The following MARCHF4 variants were observed in gnomAD, a reference collection of about 807,000 sequenced individuals.
MARCHF4 encodes the protein membrane associated ring-CH-type finger 4, also known as E3 ubiquitin-protein ligase MARCHF4.
Under a neutral mutation model 43.9 loss-of-function variants are expected in MARCHF4, and 14 were observed. The ratio of observed to expected loss-of-function variants is 0.32; its 90% CI spans 0.21 to 0.50. MARCHF4 has a LOEUF of 0.50. Among genes scored for constraint, MARCHF4 ranks in the 20% least tolerant of loss-of-function variants. The pLI, the probability that MARCHF4 is intolerant of heterozygous loss-of-function variation, is 0.98. For missense variants in MARCHF4, 468 were observed against 536.7 expected, an observed-to-expected ratio of 0.87 and a Z score of 1.27; for synonymous variants, 226 against 213.3, an observed-to-expected ratio of 1.06 and a Z score of -0.52.
intron 1 of MARCHF4, among the ~76,000 whole-genome samples, chr2:216,298,256 GTTTTTTTTTT>G (rs559410456): frequency 4.0e-4 from 27 of 66,776 alleles, no homozygotes; most frequent in Non-Finnish European, 5.4e-4. Flanking sequence ...AGTCTTTTAG[GTTTTTTTTTT>G]TTTTTTTTTT....
intron 1 of MARCHF4, among the ~76,000 whole-genome samples, chr2:216,298,697 T>C (rs1167447361): frequency 6.6e-6 from 1 of 152,180 alleles, no homozygotes; most frequent in African/African-American, 2.4e-5. Context: ...TTATTGTAAA[T>C]CAAAATTTTC....
chr2:216,313,350 T>C (rs1413369137), intron 1 of MARCHF4, among the ~76,000 whole-genome samples: 1 of 152,252 alleles, frequency 6.6e-6, no homozygotes, highest in Non-Finnish European at 1.5e-5. Context: ...CCTTTGATTA[T>C]TAGTAAAGTT....
Position 216,259,768 on chromosome 2 carries a change from G to T in MARCHF4, c.866-89C>A, listed in dbSNP as rs75808069. On this transcript the variant is annotated intron_variant, in intron 3 of 3. Transcript: ENST00000273067. ...CCACAGTCTCTCTGAATCTATGCAA[G>T]GTATGGGCAATGGCTCCAGTGCTGA... The T allele has an allele frequency of 1.4e-3, 1,923 of 1,340,926 alleles. 20 individuals carry two copies. In the African/African-American group the frequency reaches 0.023, roughly 16 times the overall value. 83.1% of individuals were successfully genotyped at this position (1,340,926 alleles called of 1,614,324 possible). A position where few individuals can be genotyped will look rare whatever the true frequency, so the allele number is the denominator to read the frequency against.
At chr2:216,348,552 C>T (rs1692355839) in intron 1 of MARCHF4, among the ~76,000 whole-genome samples, 1 of 152,118 alleles carries the variant, frequency 6.6e-6, no homozygotes, top group African/African-American at 2.4e-5. Flanking sequence ...AGGAAGTCCC[C>T]CTATGTGGTC....
chr2:216,309,194 T>A (rs1192019560), intron 1 of MARCHF4, among the ~76,000 whole-genome samples: 1 of 152,208 alleles, frequency 6.6e-6, no homozygotes, highest in East Asian at 1.9e-4. Flanking sequence ...AAAAACCTAA[T>A]TAATCCTCAC....
chr2:216,312,094 T>C (rs1691695836), intron 1 of MARCHF4, among the ~76,000 whole-genome samples: 1 of 152,202 alleles, frequency 6.6e-6, no homozygotes, highest in South Asian at 2.1e-4. Flanking sequence ...GTGAACATTG[T>C]GTCCATCAGA....
intron 1 of MARCHF4, among the ~76,000 whole-genome samples, chr2:216,305,020 C>T (rs1479819721): frequency 6.6e-6 from 1 of 152,166 alleles, no homozygotes; most frequent in Non-Finnish European, 1.5e-5. Flanking sequence ...GCATCCCATG[C>T]ATCCTATTCC....
At chr2:216,354,901 TTCTTTC>T (rs1692460847) in intron 1 of MARCHF4, among the ~76,000 whole-genome samples, 2 of 53,986 alleles carry the variant, frequency 3.7e-5, no homozygotes, top group Non-Finnish European at 6.8e-5. Context: ...TTTTCTTTCT[TTCTTTC>T]TTTCTTTCTT....
intron 2 of MARCHF4, among the ~76,000 whole-genome samples, chr2:216,278,697 G>T (rs1163476453): frequency 6.6e-6 from 1 of 152,172 alleles, no homozygotes; most frequent in Non-Finnish European, 1.5e-5. Context: ...GAGAGAATGA[G>T]ATGTGGGGAG....
In MARCHF4 at chr2:216,277,660, C is replaced by T. The variant is rs1001234908; in HGVS notation, c.865+12G>A. Reference sequence around the variant, plus strand: ...TTCCCCACTTCCCATGGAGACAAACCCCCAGACCCACCTATGCACACCACG... The same window carrying T: ...TTCCCCACTTCCCATGGAGACAAACTCCCAGACCCACCTATGCACACCACG... On this transcript the variant is annotated intron_variant, in intron 3 of 3. Coordinates refer to ENST00000273067, the MANE Select transcript of MARCHF4 (RefSeq NM_020814.3). 1 of 1,590,718 alleles carries T rather than the reference C, an allele frequency of 6.3e-7. No homozygotes were observed. The highest frequency in any genetic ancestry group is 8.6e-7 in the Non-Finnish European group (1 of 1,162,722).
chr2:216,307,644 C>T (rs1691610920), intron 1 of MARCHF4, among the ~76,000 whole-genome samples: 1 of 152,148 alleles, frequency 6.6e-6, no homozygotes. Context: ...ACATAGGCAG[C>T]TTCCTGAGCC....
In MARCHF4 at chr2:216,286,175, C is replaced by A. The variant is rs537399955; in HGVS notation, c.517-2446G>T. 3.3e-5 allele frequency among the ~76,000 whole-genome samples: 5 copies of A among 152,338 alleles called. No individual in the cohort carries two copies. In the East Asian group the frequency reaches 7.7e-4, roughly 23 times the overall value. On this transcript the variant is annotated intron_variant, in intron 1 of 3. Transcript: ENST00000273067. ...GCTGCTTCCCCTCCAGCGAACCATTCATTTTCCTTTAGGGAGAAGAAAACC... is the reference window on the plus strand; with the variant it reads ...GCTGCTTCCCCTCCAGCGAACCATTAATTTTCCTTTAGGGAGAAGAAAACC...
chr2:216,361,113 T>C lies in MARCHF4; in HGVS notation c.516+8632A>G, dbSNP rs141303097. ...AAAAAAAAGAATAGACACATACAAA[T>C]ATAAACAAAACAAGGTGAGAAATTC... On this transcript the variant is annotated intron_variant, in intron 1 of 3. Coordinates refer to ENST00000273067, the MANE Select transcript of MARCHF4 (RefSeq NM_020814.3). 4.9e-3 allele frequency among the ~76,000 whole-genome samples: 746 copies of C among 152,222 alleles called. 5 individuals are homozygous for C. Among genetic ancestry groups the C allele is most frequent in the African/African-American group, 0.017 (698 of 41,536 alleles).
chr2:216,276,070 C>T (rs576362772), intron 3 of MARCHF4, among the ~76,000 whole-genome samples: 21 of 152,318 alleles, frequency 1.4e-4, no homozygotes, highest in African/African-American at 4.6e-4. Context: ...TAAGGCACTG[C>T]GATCTGTGGA....
intron 1 of MARCHF4, among the ~76,000 whole-genome samples, chr2:216,346,132 G>T (rs776813191): frequency 1.3e-5 from 2 of 152,076 alleles, no homozygotes; most frequent in Non-Finnish European, 2.9e-5. Context: ...GGTTTGTTAG[G>T]GACTGTCCCA....
At chr2:216,343,825 G>A (rs374486199) in intron 1 of MARCHF4, among the ~76,000 whole-genome samples, 64 of 152,276 alleles carry the variant, frequency 4.2e-4, no homozygotes, top group Non-Finnish European at 6.8e-4. Flanking sequence ...AACTGAAGTC[G>A]GGGGACTTTG....
intron 1 of MARCHF4, among the ~76,000 whole-genome samples, chr2:216,348,299 A>G (rs1692351352): frequency 6.6e-6 from 1 of 152,144 alleles, no homozygotes; most frequent in East Asian, 1.9e-4. Flanking sequence ...TCGGCCTCTT[A>G]AAGTGCTGGG....
intron 1 of MARCHF4, among the ~76,000 whole-genome samples, chr2:216,300,942 T>C (rs781292445): frequency 1.1e-4 from 16 of 152,212 alleles, no homozygotes; most frequent in Non-Finnish European, 1.8e-4. Context: ...CTGATGATTC[T>C]TAATAGAGGC....
At chr2:216,302,897 C>CAAAA (rs201503998) in intron 1 of MARCHF4, among the ~76,000 whole-genome samples, 5 of 78,356 alleles carry the variant, frequency 6.4e-5, no homozygotes, top group African/African-American at 8.1e-5. Context: ...GACTCTGTAT[C>CAAAA]AAAAAAAAAA....
Sources: allele counts gnomAD v4.1 joint callset (sites outside exome capture counted in the v4.1 genomes callset), GRCh38; gene constraint gnomAD v4.1.1; transcripts MANE v1.5; gene names NCBI Gene and HGNC (gene_info 2026-07-23, HGNC 2026-07-21).